LBX2: variants seen among roughly 807,000 people sequenced by gnomAD.
LBX2 encodes the protein transcription factor LBX2.
Under a neutral mutation model 7.5 loss-of-function variants are expected in LBX2, and 6 were observed. That is an observed-to-expected ratio of 0.80 (90% CI 0.44 to 1.59). The LOEUF is 1.59. Ranked by LOEUF, LBX2 falls within the 40% of genes most tolerant of loss-of-function variation. The pLI is 0.01. For synonymous variants in LBX2, 143 were observed against 133.2 expected (o/e 1.07, Z -0.51); for missense variants, 281 against 282.0 (o/e 1.00, Z 0.03).
At position 74,499,115 on chromosome 2, in the gene LBX2, T is replaced by A; in HGVS notation, c.205+218A>T. On this transcript the variant is annotated intron_variant, in intron 1 of 1. Transcript: ENST00000377566. The surrounding 1 kb of genome is among the most constrained non-coding windows in gnomAD (Gnocchi z 4.6). The stretch of plus-strand genomic sequence containing the variant: ...CTCAGTTGGCGACGGTCTGCCCTTT[T>A]CCCTTGGCACTGGCGGCCTTCCGGA... 1.7e-6 allele frequency: 1 copy of A among 597,838 alleles called. No homozygotes were observed. Among genetic ancestry groups the A allele is most frequent in the Middle Eastern group, 4.5e-4 (1 of 2,242 alleles). The allele number at this position is 597,838 out of a possible 1,614,324, so 37.0% of individuals were successfully genotyped here.
upstream of LBX2, chr2:74,502,662 G>C: frequency 6.2e-7 from 1 of 1,613,600 alleles, no homozygotes; most frequent in Non-Finnish European, 8.5e-7. This position sits in a 1 kb window ranked among gnomAD's most constrained non-coding sequence, Gnocchi z 5.4. Context: ...TCTTAGTTTC[G>C]TGACTTTGGG....
upstream of LBX2, chr2:74,502,573 G>A (rs1380690602): frequency 3.9e-6 from 5 of 1,279,278 alleles, no homozygotes; most frequent in African/African-American, 7.4e-5. The surrounding 1 kb of genome is among the most constrained non-coding windows in gnomAD (Gnocchi z 5.4). Context: ...CGTGAGGCGG[G>A]GCTTCCGTCC....
chr2:74,497,963 G>A lies in LBX2; in HGVS notation c.561C>T (p.Pro187=). 6.3e-7 allele frequency: 1 copy of A among 1,598,676 alleles called. No homozygotes were observed. Among genetic ancestry groups the A allele is most frequent in the Non-Finnish European group, 8.5e-7 (1 of 1,170,486 alleles). The change falls in exon 2 of 2, where the codon CCC becomes CCT. Residue 187 remains proline (P), a synonymous_variant. Transcript: ENST00000377566. ...CCTGTATCTCCTCGTCTGACAGGTG[G>A]GGCCGGGAGTCAGGGCCGGCAGGGC... The part of the protein sequence containing the change: ...CLGPAGPDSR[P]HLSDEEIQVD...
chr2:74,499,502 T>A lies in LBX2; in HGVS notation c.36A>T (p.Thr12=), dbSNP rs1285950156. Residue 12 remains threonine, a synonymous_variant, in exon 1 of 2, where the codon ACA becomes ACT. Transcript: ENST00000377566. The surrounding 1 kb of genome is among the most constrained non-coding windows in gnomAD (Gnocchi z 4.6). ...CTAGGATGTCTGCGATGCTTAAGAG[T>A]GTCCGGGGTGTTCGGGGCTCGCGTC... ...NSGREPRTPR[T]LLSIADILAP... The A allele has an allele frequency of 3.9e-6, 6 of 1,549,414 alleles. No homozygotes were observed. Among genetic ancestry groups the A allele is most frequent in the Non-Finnish European group, 4.4e-6 (5 of 1,146,500 alleles).
upstream of LBX2, chr2:74,499,741 G>C: frequency 3.3e-6 from 2 of 614,060 alleles, no homozygotes; most frequent in Non-Finnish European, 5.7e-6. The surrounding 1 kb of genome is among the most constrained non-coding windows in gnomAD (Gnocchi z 4.6). Context: ...GTCCGGGGAG[G>C]GTATTTCTAC....
At position 74,498,217 on chromosome 2, in the gene LBX2, G is replaced by T; in HGVS notation, c.307C>A (p.Arg103Ser). 1.9e-6 allele frequency: 3 copies of T among 1,609,970 alleles called. No homozygotes were observed. Among genetic ancestry groups the T allele is most frequent in the East Asian group, 4.5e-5 (2 of 44,868 alleles). The change falls in exon 2 of 2, where the codon CGC (arginine) becomes AGC (serine). Residue 103 changes from arginine (R) to serine (S), a missense_variant. By Grantham distance (110) the Arg-to-Ser change is moderately radical (BLOSUM62 -1). Around this residue, in one of 3 missense-constraint regions of LBX2, gnomAD observed 216 missense variants for 208.7 expected, o/e 1.03. Transcript: ENST00000377566. The part of the protein sequence containing the change: ...TAQQVLELER[R>S]FVFQKYLAPS... ...GCCAGGTACTTCTGGAAGACGAAGC[G>T]CCGCTCCAGCTCCAGCACCTGTTGC... is the stretch of plus-strand genomic sequence containing the variant.
At chr2:74,500,962 A>C (rs1165450566), upstream of LBX2, among the ~76,000 whole-genome samples, 1 of 152,174 alleles carries the variant, frequency 6.6e-6, no homozygotes, top group Non-Finnish European at 1.5e-5. Flanking sequence ...CCATCTGTGC[A>C]GTGTCCACCT....
Position 74,497,800 on chromosome 2 carries a change from G to C in LBX2, c.*127C>G. 1 of 1,021,674 alleles carries C rather than the reference G, an allele frequency of 9.8e-7. No individual in the cohort carries two copies. Among genetic ancestry groups the C allele is most frequent in the Non-Finnish European group, 1.4e-6 (1 of 719,790 alleles). The allele number at this position is 1,021,674 out of a possible 1,614,324, so 63.3% of individuals were successfully genotyped here. A position where few individuals can be genotyped will look rare whatever the true frequency, so the allele number is the denominator to read the frequency against. ...TACAAAAAAACCGGGAAAGGTGAGC[G>C]TCTGGACTGTGGGCCGGAAGAGGCC... On this transcript the variant is annotated 3_prime_UTR_variant, in exon 2 of 2. Transcript: ENST00000377566.
At chr2:74,500,722 G>C (rs75493209), upstream of LBX2, among the ~76,000 whole-genome samples, 6 of 152,302 alleles carry the variant, frequency 3.9e-5, no homozygotes, top group African/African-American at 1.4e-4. Flanking sequence ...CAGCAGTTGA[G>C]GCCCAGCAGG....
upstream of LBX2, chr2:74,503,226 G>A: frequency 4.6e-6 from 1 of 217,796 alleles, no homozygotes; most frequent in Non-Finnish European, 9.0e-6. This position sits in a 1 kb window ranked among gnomAD's most constrained non-coding sequence, Gnocchi z 5.1. Context: ...CCCGGGGTCC[G>A]GGTGGGCGTG....
chr2:74,500,790 C>G (rs1211905299), upstream of LBX2, among the ~76,000 whole-genome samples: 4 of 152,182 alleles, frequency 2.6e-5, no homozygotes, highest in Non-Finnish European at 1.5e-5. Context: ...CACCTTAGAG[C>G]AGGGAAGCCC....
intron 1 of LBX2, 151 bp from the exon 2 acceptor site, chr2:74,498,469 T>G (rs1215153569): frequency 5.9e-6 from 4 of 679,524 alleles, no homozygotes; most frequent in Non-Finnish European, 9.6e-6. Flanking sequence ...TGATCCCTTA[T>G]CGGGAGTCAG....
At position 74,499,106 on chromosome 2, in the gene LBX2, C is replaced by G. The variant is rs1572972938; in HGVS notation, c.205+227G>C. The G allele has an allele frequency of 1.0e-5, 6 of 593,760 alleles. No individual in the cohort carries two copies. The East Asian group carries it at 1.7e-4, about 17-fold the overall frequency. The allele number at this position is 593,760 out of a possible 1,614,324, so 36.8% of individuals were successfully genotyped here. ...AACAGGTCGCTCAGTTGGCGACGGT[C>G]TGCCCTTTTCCCTTGGCACTGGCGG... On this transcript the variant is annotated intron_variant, in intron 1 of 1. Coordinates refer to ENST00000377566, the MANE Select transcript of LBX2 (RefSeq NM_001282430.2). The surrounding 1 kb of genome is among the most constrained non-coding windows in gnomAD (Gnocchi z 4.6).
chr2:74,502,624 G>C (rs764470306), upstream of LBX2: 2 of 1,574,096 alleles, frequency 1.3e-6, no homozygotes, highest in Admixed American at 1.7e-5. This position sits in a 1 kb window ranked among gnomAD's most constrained non-coding sequence, Gnocchi z 5.4. Flanking sequence ...TTCAGAAAGC[G>C]CTACTGCGGA....
upstream of LBX2, among the ~76,000 whole-genome samples, chr2:74,501,143 C>T (rs1674476679): frequency 1.3e-5 from 2 of 152,160 alleles, no homozygotes; most frequent in Admixed American, 6.5e-5. Flanking sequence ...CCGCAACATT[C>T]ACATAATGCC....
chr2:74,498,398 G>T (rs994010100), intron 1 of LBX2, 80 bp from the exon 2 acceptor site: 159 of 1,241,444 alleles, frequency 1.3e-4, no homozygotes, highest in Non-Finnish European at 1.7e-4. Context: ...GGGTGGGGTC[G>T]GGCCGGTGGC....
Position 74,498,171 on chromosome 2 carries a change from A to C in LBX2, c.353T>G (p.Leu118Arg). The change falls in exon 2 of 2, where the codon CTA becomes CGA. Residue 118 changes from leucine (L) to arginine (R), a missense_variant. By Grantham distance (102) the Leu-to-Arg change is moderately radical. This residue lies in a region of LBX2 where 216 missense variants were observed against 208.7 expected (regional missense o/e 1.03). Coordinates refer to ENST00000377566, the MANE Select transcript of LBX2 (RefSeq NM_001282430.2). ...GTTGGCCAGGCCGAGTCGCGTAGCTAGCCCGTCTCGCTCGGACGGCGCCAG... is the reference window on the plus strand; with the variant it reads ...GTTGGCCAGGCCGAGTCGCGTAGCTCGCCCGTCTCGCTCGGACGGCGCCAG... The part of the protein sequence containing the change: ...KYLAPSERDG[L>R]ATRLGLANAQ... The C allele has an allele frequency of 6.2e-7, 1 of 1,612,698 alleles. No individual in the cohort carries two copies. The highest frequency in any genetic ancestry group is 8.5e-7 in the Non-Finnish European group (1 of 1,179,552).
chr2:74,503,104 CCTT>C (rs1321576784), upstream of LBX2: 38 of 470,358 alleles, frequency 8.1e-5, no homozygotes, highest in Admixed American at 2.0e-4. The surrounding 1 kb of genome is among the most constrained non-coding windows in gnomAD (Gnocchi z 5.1). Flanking sequence ...CGCCACCTCT[CCTT>C]TGACTCAGGA....
Position 74,499,446 on chromosome 2 carries a change from G to T in LBX2, c.92C>A (p.Ala31Glu), listed in dbSNP as rs1323710688. ...APRMVPRAPS[A>E]PQLPESGPGP... The stretch of plus-strand genomic sequence containing the variant: ...CGGACCCGACTCTGGAAGCTGCGGC[G>T]CAGAGGGTGCTCGGGGGACCATGCG... Residue 31 changes from alanine (A) to glutamate (E), a missense_variant, in exon 1 of 2, where the codon GCG becomes GAG. Coordinates refer to ENST00000377566, the MANE Select transcript of LBX2 (RefSeq NM_001282430.2). This position sits in a 1 kb window ranked among gnomAD's most constrained non-coding sequence, Gnocchi z 4.6. 6.4e-6 allele frequency: 10 copies of T among 1,550,492 alleles called. No homozygotes were observed. Among genetic ancestry groups the T allele is most frequent in the Non-Finnish European group, 8.7e-6 (10 of 1,147,004 alleles).
Sources: allele counts gnomAD v4.1 joint callset (sites outside exome capture counted in the v4.1 genomes callset), GRCh38; gene constraint gnomAD v4.1.1; regional missense constraint gnomAD v4.1.1; non-coding constraint Gnocchi (gnomAD v3.1); transcripts MANE v1.5; gene names NCBI Gene and HGNC (gene_info 2026-07-23, HGNC 2026-07-21).